NFIX: variants seen among roughly 807,000 people sequenced by gnomAD.
NFIX encodes nuclear factor I X.
Under a neutral mutation model 53.3 loss-of-function variants are expected in NFIX, and 2 were observed. The ratio of observed to expected loss-of-function variants is 0.04; its 90% confidence interval spans 0.02 to 0.12. The LOEUF (loss-of-function observed/expected upper bound fraction) is 0.12. Ranked by LOEUF, NFIX falls within the 10% of genes least tolerant of loss-of-function variation. The pLI is 1.00. For synonymous variants in NFIX, 244 were observed against 289.0 expected (o/e 0.84, Z 1.58); for missense variants, 310 against 674.5 (o/e 0.46, Z 5.99).
chr19:13,083,539 T>C (rs541667518), intron 8 of NFIX, among the ~76,000 whole-genome samples: 6 of 152,330 alleles, frequency 3.9e-5, no homozygotes, highest in Non-Finnish European at 7.3e-5. Flanking sequence ...GACTCTGATA[T>C]AGAGCCATAG....
At chr19:13,031,914 A>G (rs1479902828) in intron 2 of NFIX, among the ~76,000 whole-genome samples, 1 of 152,092 alleles carries the variant, frequency 6.6e-6, no homozygotes, top group South Asian at 2.1e-4. Context: ...TTTTCTGCCT[A>G]GGGAAGAAGG....
In NFIX at chr19:13,060,034, C is replaced by T. The variant is rs945602696; in HGVS notation, c.560-13013C>T. ...AACTCCTGAGCTCAGGCGATCCACT[C>T]GCCTCAGCCTCTCAAAGTGCTGAGA... On this transcript the variant is annotated intron_variant, in intron 2 of 10. Coordinates refer to ENST00000592199, the MANE Select transcript of NFIX (RefSeq NM_001365902.3). This position sits in a 1 kb window ranked among gnomAD's most constrained non-coding sequence, Gnocchi z 4.3. Among the ~76,000 whole-genome samples, 2 of 152,108 alleles carry T rather than the reference C, an allele frequency of 1.3e-5. No individual in the cohort carries two copies. The highest frequency in any genetic ancestry group is 2.1e-4 in the South Asian group (1 of 4,832).
At chr19:13,044,780 T>C (rs1184142531) in intron 2 of NFIX, among the ~76,000 whole-genome samples, 1 of 152,160 alleles carries the variant, frequency 6.6e-6, no homozygotes, top group Non-Finnish European at 1.5e-5. Flanking sequence ...TTGTCGTAAT[T>C]ACAGGGCGCT....
intron 8 of NFIX, among the ~76,000 whole-genome samples, chr19:13,084,692 TC>T (rs1167778752): frequency 1.3e-5 from 2 of 151,898 alleles, no homozygotes; most frequent in Non-Finnish European, 2.9e-5. Flanking sequence ...AGAGCATGAC[TC>T]CGGGAGGCAG....
intron 2 of NFIX, among the ~76,000 whole-genome samples, chr19:13,065,112 A>G (rs768135534): frequency 6.6e-6 from 1 of 151,884 alleles, no homozygotes; most frequent in Non-Finnish European, 1.5e-5. Context: ...CCATTTCAGC[A>G]TGCCCCCTTC....
intron 2 of NFIX, among the ~76,000 whole-genome samples, chr19:13,046,555 G>C (rs139754073): frequency 1.3e-5 from 2 of 150,166 alleles, no homozygotes; most frequent in African/African-American, 4.9e-5. Context: ...TCCCTTTCCC[G>C]TTCCTGGGGC....
chr19:13,039,664 A>G (rs2014476234), intron 2 of NFIX, among the ~76,000 whole-genome samples: 1 of 152,170 alleles, frequency 6.6e-6, no homozygotes, highest in Admixed American at 6.5e-5. Context: ...CCCCGTTTCT[A>G]TGCAAGTTGG....
chr19:13,023,215 A>C (rs2013052066), intron 1 of NFIX, among the ~76,000 whole-genome samples: 1 of 150,392 alleles, frequency 6.6e-6, no homozygotes, highest in African/African-American at 2.4e-5. Context: ...AAAAAAAAAA[A>C]ACACCCCAAA....
rs577434084 is a variant in NFIX at position 13,015,738 on chromosome 19, G to A, written c.28-9283G>A. Reference sequence around the variant, plus strand: ...GCCCTGTTAGTCTGCTAAACCCGCTGCACAGTTGGTTGCCCTGTTGATGGG... The same window carrying A: ...GCCCTGTTAGTCTGCTAAACCCGCTACACAGTTGGTTGCCCTGTTGATGGG... On this transcript the variant is annotated intron_variant, in intron 1 of 10. Transcript: ENST00000592199. Among the ~76,000 whole-genome samples, 9 of 152,206 alleles carry A rather than the reference G, an allele frequency of 5.9e-5. 1 individual carries two copies. The highest frequency in any genetic ancestry group is 2.2e-4 in the African/African-American group (9 of 41,502).
At position 13,066,234 on chromosome 19, in the gene NFIX, G is replaced by C. The variant is rs551029201; in HGVS notation, c.560-6813G>C. Among the ~76,000 whole-genome samples, 1 of 152,172 alleles carries C rather than the reference G, an allele frequency of 6.6e-6. No homozygotes were observed. Among genetic ancestry groups the C allele is most frequent in the African/African-American group, 2.4e-5 (1 of 41,428 alleles). ...CCTGGCACTTGCTCCAGGGGCACCC[G>C]TAGAGGCCGGGATGTGTTGGAATGG... On this transcript the variant is annotated intron_variant, in intron 2 of 10. Coordinates refer to ENST00000592199, the MANE Select transcript of NFIX (RefSeq NM_001365902.3). This position sits in a 1 kb window ranked among gnomAD's most constrained non-coding sequence, Gnocchi z 4.2.
Position 13,094,519 on chromosome 19 carries a change from C to A in NFIX, c.1495-116C>A. On this transcript the variant is annotated intron_variant, in intron 10 of 10. Transcript: ENST00000592199. The surrounding 1 kb of genome is among the most constrained non-coding windows in gnomAD (Gnocchi z 4.3). Reference sequence around the variant, plus strand: ...AACAAGGTGGGTGGTGGCTGCCCGGCACCCTGGCTCTTTGGGAGCTGGACC... The same window carrying A: ...AACAAGGTGGGTGGTGGCTGCCCGGAACCCTGGCTCTTTGGGAGCTGGACC... 1 of 1,048,878 alleles carries A rather than the reference C, an allele frequency of 9.5e-7. No homozygotes were observed. The highest frequency in any genetic ancestry group is 1.4e-6 in the Non-Finnish European group (1 of 721,882). 65.0% of individuals were successfully genotyped at this position (1,048,878 alleles called of 1,614,324 possible).
intron 6 of NFIX, 53 bp downstream of exon 6, chr19:13,075,724 G>A (rs1487707166): frequency 6.3e-7 from 1 of 1,583,380 alleles, no homozygotes; most frequent in East Asian, 2.3e-5. Context: ...GAGTCTTTTT[G>A]TCCCCTTCTC....
rs753826054 is a variant in NFIX, at chr19:13,078,771, G to A, written c.1078+36G>A. The A allele has an allele frequency of 8.2e-6, 13 of 1,579,958 alleles. No individual in the cohort carries two copies. The South Asian group carries it at 1.5e-4, about 18-fold the overall frequency. ...GGGGGCCCCGGAGGGGGGCAGTTGG[G>A]GAGGTGGCTGAGTATCTAGGGGCAG... On this transcript the variant is annotated intron_variant, in intron 7 of 10. Transcript: ENST00000592199. The surrounding 1 kb of genome is among the most constrained non-coding windows in gnomAD (Gnocchi z 4.7).
intron 2 of NFIX, among the ~76,000 whole-genome samples, chr19:13,064,111 A>C (rs1471401472): frequency 6.6e-6 from 1 of 152,004 alleles, no homozygotes; most frequent in Non-Finnish European, 1.5e-5. Context: ...TTTTCTTGAC[A>C]TGTGGGGTAT....
chr19:13,002,875 A>T lies in NFIX; in HGVS notation c.27+7011A>T, dbSNP rs1215766374. ...CCATCGCCAAGGACCCTGCCCCCTC[A>T]GCTGAAGCTCAGTGCCAGCCTTCCT... On this transcript the variant is annotated intron_variant, in intron 1 of 10. Coordinates refer to ENST00000592199, the MANE Select transcript of NFIX (RefSeq NM_001365902.3). The surrounding 1 kb of genome is among the most constrained non-coding windows in gnomAD (Gnocchi z 6.1). Among the ~76,000 whole-genome samples the T allele has an allele frequency of 4.6e-5, 7 of 152,124 alleles. No individual in the cohort carries two copies. Among genetic ancestry groups the T allele is most frequent in the Non-Finnish European group, 7.4e-5 (5 of 67,992 alleles).
intron 1 of NFIX, among the ~76,000 whole-genome samples, chr19:13,023,070 T>TCTCTCTCTCTCTCTCTC (rs2013036703): frequency 1.0e-4 from 14 of 138,124 alleles, no homozygotes; most frequent in African/African-American, 3.6e-4. Flanking sequence ...TTCTCTCTCT[T>TCTCTCTCTCTCTCTCTC]TCTCTCTCTC....
In NFIX at chr19:13,009,362, G is replaced by A. The variant is rs985458416; in HGVS notation, c.27+13498G>A. 3.9e-5 allele frequency among the ~76,000 whole-genome samples: 6 copies of A among 152,222 alleles called. No individual in the cohort carries two copies. The highest frequency in any genetic ancestry group is 1.4e-4 in the African/African-American group (6 of 41,464). ...TGACCTCCTGTGACCCTCCCAACAC[G>A]AGGCAGGTATGAGTAACCTGTTTTA... On this transcript the variant is annotated intron_variant, in intron 1 of 10. Transcript: ENST00000592199. This position sits in a 1 kb window ranked among gnomAD's most constrained non-coding sequence, Gnocchi z 4.7.
At chr19:13,030,206 GA>G (rs1568274342) in intron 2 of NFIX, among the ~76,000 whole-genome samples, 1 of 152,222 alleles carries the variant, frequency 6.6e-6, no homozygotes, top group Non-Finnish European at 1.5e-5. Context: ...AGGATCTACA[GA>G]TTATCTTTTA....
intron 5 of NFIX, among the ~76,000 whole-genome samples, chr19:13,074,242 CA>C (rs1176161405): frequency 6.6e-6 from 1 of 152,182 alleles, no homozygotes; most frequent in Non-Finnish European, 1.5e-5. Flanking sequence ...CCTGGGGACA[CA>C]AACTCGCACA....
Sources: gnomAD v4.1 joint callset for allele counts (sites outside exome capture counted in the v4.1 genomes callset) on GRCh38, gnomAD v4.1.1 for gene constraint, Gnocchi (gnomAD v3.1) non-coding constraint, MANE v1.5 for transcripts, NCBI Gene and HGNC (gene_info 2026-07-23, HGNC 2026-07-21) for gene names.